Variants in AOPEP observed in about 807,000 individuals in gnomAD.
The protein encoded by AOPEP is aminopeptidase O.
A neutral mutation model predicts 98.1 loss-of-function variants in AOPEP; 77 were observed. The observed-to-expected ratio is 0.78, with a 90% CI of 0.65 to 0.95. The LOEUF (loss-of-function observed/expected upper bound fraction) is 0.95, where lower values mean the gene tolerates loss of function less well. Ranked by LOEUF, AOPEP falls within the 40% of genes least tolerant of loss-of-function variation. The probability of loss-of-function intolerance (pLI) is 0.00; values close to 1 mark genes in which losing one functional copy is unlikely to be tolerated. For missense variants in AOPEP, 1,024 were observed against 1,024.7 expected (o/e 1.00, Z 0.01); for synonymous variants, 346 against 365.3 (o/e 0.95, Z 0.60).
intron 5 of AOPEP, among the ~76,000 whole-genome samples, chr9:94,876,985 AACTGAT>A (rs1259634299): frequency 1.3e-5 from 2 of 152,182 alleles, no homozygotes; most frequent in Admixed American, 1.3e-4. Flanking sequence ...AATTCTATAC[AACTGAT>A]ACCCCACTAC....
intron 5 of AOPEP, among the ~76,000 whole-genome samples, chr9:94,804,687 T>C (rs1055570299): frequency 2.6e-5 from 4 of 152,242 alleles, no homozygotes; most frequent in African/African-American, 9.6e-5. Context: ...AGATAGTACT[T>C]ACGATGCAAA....
chr9:94,787,364 A>G (rs72746517), intron 3 of AOPEP, among the ~76,000 whole-genome samples: 1,837 of 152,282 alleles, frequency 0.012, 20 homozygotes, highest in South Asian at 0.044. Flanking sequence ...GTGGATTTCT[A>G]TTGACCTTGT....
At chr9:94,793,306 C>T (rs185324462) in intron 4 of AOPEP, among the ~76,000 whole-genome samples, 4 of 151,936 alleles carry the variant, frequency 2.6e-5, no homozygotes, top group Admixed American at 1.3e-4. Flanking sequence ...TGAGATTGCG[C>T]CACTGCACTC....
intron 13 of AOPEP, 116 bp from the exon 14 acceptor site, chr9:95,060,578 A>G: frequency 4.1e-6 from 3 of 734,608 alleles, no homozygotes; most frequent in Admixed American, 3.8e-5. Flanking sequence ...CATGTTGCCA[A>G]TATATGCTGA....
At chr9:94,976,597 C>T (rs1462403439) in intron 10 of AOPEP, among the ~76,000 whole-genome samples, 1 of 152,002 alleles carries the variant, frequency 6.6e-6, no homozygotes, top group African/African-American at 2.4e-5. Flanking sequence ...TCTGCATCTT[C>T]CTCTTAAATA....
the AOPEP span, chr9:95,110,625 T>C: frequency 9.6e-7 from 1 of 1,041,734 alleles, no homozygotes; most frequent in Non-Finnish European, 1.2e-6. Context: ...TTAAACAAAA[T>C]ACGCAGACAT....
chr9:95,144,325 T>A, the AOPEP span, among the ~76,000 whole-genome samples: 1 of 152,222 alleles, frequency 6.6e-6, no homozygotes, highest in Non-Finnish European at 1.5e-5. Context: ...CCAGCACTTC[T>A]GGACAGTCTG....
chr9:94,877,747 T>C (rs1446329051), intron 5 of AOPEP, among the ~76,000 whole-genome samples: 1 of 152,198 alleles, frequency 6.6e-6, no homozygotes, highest in Admixed American at 6.5e-5. Flanking sequence ...CTGGTAACAT[T>C]ATACAAGCAA....
In AOPEP at chr9:94,743,223, A is replaced by G. The variant is rs202008295; in HGVS notation, c.-135-16426A>G. The stretch of plus-strand genomic sequence containing the variant: ...AAGAGGAAGAAGAGGAAGAAGAGGA[A>G]GAAGAAGAGGAAGAAGAAGAGGAAG... On this transcript the variant is annotated intron_variant, in intron 1 of 16. Transcript: ENST00000375315. Among the ~76,000 whole-genome samples, 4 of 64,712 alleles carry G rather than the reference A, an allele frequency of 6.2e-5. No homozygotes were observed. The Admixed American group carries it at 6.4e-4, about 10-fold the overall frequency. 42.5% of individuals were successfully genotyped at this position (64,712 alleles called of 152,430 possible).
At chr9:95,043,063 A>G (rs1387190325) in intron 13 of AOPEP, among the ~76,000 whole-genome samples, 1 of 151,976 alleles carries the variant, frequency 6.6e-6, no homozygotes, top group Non-Finnish European at 1.5e-5. Context: ...TCTTTAGCCC[A>G]GGAGTTCGAG....
intron 4 of AOPEP, among the ~76,000 whole-genome samples, chr9:94,798,650 G>A (rs145668800): frequency 6.6e-6 from 1 of 152,294 alleles, no homozygotes; most frequent in African/African-American, 2.4e-5. Flanking sequence ...TCCAGAAGAT[G>A]CCTGCACACT....
intron 1 of AOPEP, among the ~76,000 whole-genome samples, chr9:94,737,609 T>C (rs918690211): frequency 1.3e-5 from 2 of 152,258 alleles, no homozygotes; most frequent in African/African-American, 4.8e-5. Context: ...TTTGATATTA[T>C]ACAATTTTAT....
chr9:94,766,341 A>G (rs1191952767), intron 2 of AOPEP, among the ~76,000 whole-genome samples: 2 of 152,194 alleles, frequency 1.3e-5, no homozygotes, highest in Admixed American at 6.5e-5. Flanking sequence ...GATCGAGACC[A>G]TCCTGGCTGA....
the AOPEP span, chr9:95,114,812 T>G: frequency 1.0e-6 from 1 of 953,726 alleles, no homozygotes; most frequent in Non-Finnish European, 1.7e-6. Flanking sequence ...GAGACGCCCT[T>G]TACTTCTGGT....
At chr9:94,774,305 C>T (rs1277173141) in intron 3 of AOPEP, among the ~76,000 whole-genome samples, 1 of 106,234 alleles carries the variant, frequency 9.4e-6, no homozygotes, top group African/African-American at 3.8e-5. Flanking sequence ...GAGTGAGACT[C>T]CATCTCAAAA....
intron 5 of AOPEP, among the ~76,000 whole-genome samples, chr9:94,895,546 A>G (rs185608998): frequency 1.3e-5 from 2 of 152,122 alleles, no homozygotes; most frequent in African/African-American, 4.8e-5. Flanking sequence ...TGGATTCTAG[A>G]CTCATGGTTA....
chr9:94,818,927 G>A (rs1195003940), intron 5 of AOPEP, among the ~76,000 whole-genome samples: 1 of 152,208 alleles, frequency 6.6e-6, no homozygotes, highest in East Asian at 1.9e-4. Context: ...CCAGGAGGCC[G>A]GGCTTCCAGT....
At chr9:95,112,464 CAGTCCTCCCTG>C in the AOPEP span, among the ~76,000 whole-genome samples, 7,756 of 152,292 alleles carry the variant, frequency 0.051, 273 homozygotes, top group Admixed American at 0.084. Flanking sequence ...CCTCCTGCCC[CAGTCCTCCCTG>C]AGAACAAGTG....
rs141148680 is a variant in AOPEP at position 94,960,801 on chromosome 9, A to G, written c.1872+4786A>G. ...GCCAAAGTGGGCAGATCACGAGGTC[A>G]GGAGATCGAGACCATCTTGGCTAAC... On this transcript the variant is annotated intron_variant, in intron 9 of 16. Coordinates refer to ENST00000375315, the MANE Select transcript of AOPEP (RefSeq NM_001193329.3). Among the ~76,000 whole-genome samples, 350 of 152,208 alleles carry G rather than the reference A, an allele frequency of 2.3e-3. 7 individuals carry two copies. In the East Asian group the frequency reaches 0.06, roughly 26 times the overall value.
Sources: gnomAD v4.1 joint callset for allele counts (sites outside exome capture counted in the v4.1 genomes callset) on GRCh38, gnomAD v4.1.1 for gene constraint, MANE v1.5 for transcripts, NCBI Gene and HGNC (gene_info 2026-07-23, HGNC 2026-07-21) for gene names.